PRELID2: variants seen among roughly 807,000 people sequenced by gnomAD.
PRELID2 encodes the protein PRELI domain containing 2, also known as PRELI domain-containing protein 2.
PRELID2 carries 25 observed loss-of-function variants against 28.4 expected under a neutral mutation model. The observed-to-expected ratio is 0.88, with a 90% CI of 0.64 to 1.23. The LOEUF (loss-of-function observed/expected upper bound fraction) is 1.23. PRELID2 is among the 50% of genes most tolerant of loss of function. The pLI is 0.00. For synonymous variants in PRELID2, 76 were observed against 71.6 expected (o/e 1.06, Z -0.31); for missense variants, 201 against 214.4 (o/e 0.94, Z 0.39).
intron 1 of PRELID2, among the ~76,000 whole-genome samples, chr5:145,624,850 T>C (rs1285086267): frequency 1.3e-5 from 2 of 152,128 alleles, no homozygotes; most frequent in African/African-American, 4.8e-5. Flanking sequence ...AAAAAATTAA[T>C]AGCCTTTATA....
chr5:145,544,313 T>C (rs1034473509), intron 1 of PRELID2, among the ~76,000 whole-genome samples: 5 of 152,136 alleles, frequency 3.3e-5, no homozygotes, highest in Non-Finnish European at 7.4e-5. Context: ...CACCAAGATC[T>C]TTCAACTAAA....
chr5:145,604,613 G>T (rs1489192896), intron 1 of PRELID2, among the ~76,000 whole-genome samples: 1 of 151,558 alleles, frequency 6.6e-6, no homozygotes, highest in South Asian at 2.1e-4. Flanking sequence ...GAAATTGCTG[G>T]GTCAAGTGGT....
chr5:145,404,874 T>C, the PRELID2 span, among the ~76,000 whole-genome samples: 2 of 152,122 alleles, frequency 1.3e-5, no homozygotes, highest in African/African-American at 4.8e-5. Flanking sequence ...GATTAGACAC[T>C]GTTATGTTAA....
the PRELID2 span, among the ~76,000 whole-genome samples, chr5:145,454,186 G>T: frequency 4.6e-5 from 7 of 152,080 alleles, no homozygotes; most frequent in Non-Finnish European, 1.0e-4. Context: ...ATCTCATTAT[G>T]GTTTGGATTT....
intron 4 of PRELID2, among the ~76,000 whole-genome samples, chr5:145,809,036 CTTT>C (rs372516210): frequency 1.9e-5 from 2 of 105,824 alleles, no homozygotes; most frequent in Non-Finnish European, 3.9e-5. Flanking sequence ...TTTTTTTTTG[CTTT>C]TTTTTTTTTT....
At chr5:145,663,442 G>T (rs923435041) in intron 1 of PRELID2, among the ~76,000 whole-genome samples, 8 of 152,086 alleles carry the variant, frequency 5.3e-5, no homozygotes, top group South Asian at 2.1e-4. Context: ...CATGGAAAAA[G>T]CCCAGTTTTG....
chr5:145,238,663 C>A, the PRELID2 span, among the ~76,000 whole-genome samples: 1 of 152,040 alleles, frequency 6.6e-6, no homozygotes, highest in Non-Finnish European at 1.5e-5. Context: ...ACACCCACAT[C>A]TGACTACTCT....
At chr5:145,280,950 G>T in the PRELID2 span, among the ~76,000 whole-genome samples, 2 of 151,964 alleles carry the variant, frequency 1.3e-5, no homozygotes, top group African/African-American at 4.8e-5. Flanking sequence ...TTTTTTTTAC[G>T]TAATGGAATC....
the PRELID2 span, among the ~76,000 whole-genome samples, chr5:145,331,497 T>C: frequency 6.6e-6 from 1 of 152,230 alleles, no homozygotes; most frequent in Non-Finnish European, 1.5e-5. Flanking sequence ...GCTCTTCTTG[T>C]TGCATTAATC....
At chr5:145,617,222 G>A (rs942660392) in intron 1 of PRELID2, among the ~76,000 whole-genome samples, 1 of 152,096 alleles carries the variant, frequency 6.6e-6, no homozygotes, top group Non-Finnish European at 1.5e-5. Context: ...ACAGGGTCCT[G>A]AGGTGACATA....
chr5:145,717,914 G>A (rs1376495613), intron 1 of PRELID2, among the ~76,000 whole-genome samples: 1 of 151,674 alleles, frequency 6.6e-6, no homozygotes, highest in Admixed American at 6.6e-5. Flanking sequence ...CTTCTCCATG[G>A]TAAGAATAAC....
intron 1 of PRELID2, among the ~76,000 whole-genome samples, chr5:145,499,784 G>A (rs929658813): frequency 1.2e-4 from 18 of 152,208 alleles, no homozygotes; most frequent in African/African-American, 1.4e-4. Context: ...TGAAAGGACA[G>A]CAGAGAAAGA....
At chr5:145,317,322 T>C in the PRELID2 span, among the ~76,000 whole-genome samples, 6 of 152,222 alleles carry the variant, frequency 3.9e-5, no homozygotes, top group Non-Finnish European at 7.3e-5. Context: ...AGGGTGCTCC[T>C]GAGCAGTGCA....
At chr5:145,386,110 C>A in the PRELID2 span, among the ~76,000 whole-genome samples, 1 of 151,978 alleles carries the variant, frequency 6.6e-6, no homozygotes, top group Non-Finnish European at 1.5e-5. Flanking sequence ...GCTGGGGAGT[C>A]CTCAGGAAAC....
the PRELID2 span, among the ~76,000 whole-genome samples, chr5:145,275,508 G>C: frequency 6.6e-6 from 1 of 152,048 alleles, no homozygotes. Context: ...ATGTTTCCTG[G>C]GGGCAAGCGG....
intron 1 of PRELID2, among the ~76,000 whole-genome samples, chr5:145,737,961 A>T (rs1037411894): frequency 2.6e-5 from 4 of 152,170 alleles, no homozygotes; most frequent in Non-Finnish European, 5.9e-5. Context: ...GTTCTGGGAA[A>T]AGCCTAGTGA....
At chr5:145,351,105 C>T in the PRELID2 span, among the ~76,000 whole-genome samples, 1 of 152,124 alleles carries the variant, frequency 6.6e-6, no homozygotes, top group African/African-American at 2.4e-5. Context: ...GATAAAGTGA[C>T]TTTCCCAAGC....
the PRELID2 span, among the ~76,000 whole-genome samples, chr5:145,456,137 C>A: frequency 0.67 from 102,607 of 152,036 alleles, 35,201 homozygotes; most frequent in Non-Finnish European, 0.71. Context: ...TGTTACTGAG[C>A]TATAAGGAGT....
the PRELID2 span, among the ~76,000 whole-genome samples, chr5:145,459,201 TC>T: frequency 1.3e-5 from 2 of 152,294 alleles, no homozygotes; most frequent in South Asian, 4.1e-4. Context: ...AATTCTGATG[TC>T]CCCTGGGAGC....
Sources: gnomAD v4.1 joint callset for allele counts (sites outside exome capture counted in the v4.1 genomes callset) on GRCh38, gnomAD v4.1.1 for gene constraint, MANE v1.5 for transcripts, NCBI Gene and HGNC (gene_info 2026-07-23, HGNC 2026-07-21) for gene names.